PROM1: variants seen among roughly 807,000 people sequenced by gnomAD.
PROM1 encodes the protein prominin-1.
PROM1 carries 105 observed loss-of-function variants against 116.9 expected under a neutral mutation model. The ratio of observed to expected loss-of-function variants is 0.90; its 90% confidence interval spans 0.77 to 1.06. The LOEUF (loss-of-function observed/expected upper bound fraction) is 1.06, where lower values mean the gene tolerates loss of function less well. PROM1 is among the 50% of genes least tolerant of loss of function. The pLI is 0.00. For missense variants in PROM1, 1,122 were observed against 1,045.2 expected, an observed-to-expected ratio of 1.07 and a Z score of -1.01; for synonymous variants, 393 against 387.0, an observed-to-expected ratio of 1.02 and a Z score of -0.18.
chr4:16,037,848 AGGAGTGCATT>A (rs1734287715), intron 3 of PROM1: 2 of 152,396 alleles, frequency 1.3e-5, no homozygotes, highest in African/African-American at 4.8e-5. Flanking sequence ...GCAGTCGCAG[AGGAGTGCATT>A]GGCAGCAACT....
chr4:16,064,650 C>A (rs780837470), intron 2 of PROM1, among the ~76,000 whole-genome samples: 2 of 152,070 alleles, frequency 1.3e-5, no homozygotes, highest in Non-Finnish European at 2.9e-5. Flanking sequence ...ATTAGCACTT[C>A]GGGAGGCCGA....
At chr4:16,038,274 A>G (rs967445963) in intron 3 of PROM1, among the ~76,000 whole-genome samples, 1 of 152,228 alleles carries the variant, frequency 6.6e-6, no homozygotes, top group Non-Finnish European at 1.5e-5. Flanking sequence ...GATGTTTTAT[A>G]ACAGAGTACA....
At position 16,061,343 on chromosome 4, in the gene PROM1, G is replaced by A. The variant is rs139295980; in HGVS notation, c.220+14344C>T. ...AAGGGCTTCTTCTAGAATACTATGT[G>A]ATCTAGCTGTAGAACAGTAGGAAGA... On this transcript the variant is annotated intron_variant, in intron 2 of 27. Coordinates refer to ENST00000447510, the MANE Select transcript of PROM1 (RefSeq NM_006017.3). Among the ~76,000 whole-genome samples, 664 of 152,298 alleles carry A rather than the reference G, an allele frequency of 4.4e-3. 2 individuals carry two copies. The highest frequency in any genetic ancestry group is 0.015 in the African/African-American group (629 of 41,558).
intron 2 of PROM1, among the ~76,000 whole-genome samples, chr4:16,067,748 G>A (rs144550921): frequency 5.8e-4 from 88 of 152,282 alleles, no homozygotes; most frequent in African/African-American, 1.9e-3. Context: ...GCATAGACAC[G>A]TCGATTTGGC....
At position 15,984,282 on chromosome 4, in the gene PROM1, C is replaced by A; in HGVS notation, c.2354G>T (p.Ser785Ile). 2.5e-6 allele frequency: 4 copies of A among 1,605,052 alleles called. No individual in the cohort carries two copies. Among genetic ancestry groups the A allele is most frequent in the Non-Finnish European group, 3.4e-6 (4 of 1,173,840 alleles). Residue 785 changes from serine (S) to isoleucine (I), a missense_variant, in exon 23 of 28, where the codon AGC becomes ATC. Physicochemically the swap from Ser to Ile is moderately radical, Grantham distance 142. Transcript: ENST00000447510. The stretch of plus-strand genomic sequence containing the variant: ...TCTTACCAAGGGGTCGATAATGTAG[C>A]TACACAGAAAGACATCAACAGCAGT... The part of the protein sequence containing the change: ...LDTAVDVFLC[S>I]YIIDPLNLFW...
chr4:16,057,684 G>A (rs1179005716), intron 2 of PROM1, among the ~76,000 whole-genome samples: 2 of 152,006 alleles, frequency 1.3e-5, no homozygotes, highest in Non-Finnish European at 2.9e-5. Flanking sequence ...TTAAATTATC[G>A]ACTCTTCTTA....
rs1251147060 is a variant in PROM1, at chr4:16,006,678, G to A, written c.1314C>T (p.Gly438=). 6.2e-7 allele frequency: 1 copy of A among 1,612,912 alleles called. No homozygotes were observed. The highest frequency in any genetic ancestry group is 8.5e-7 in the Non-Finnish European group (1 of 1,179,542). Residue 438 remains glycine, a synonymous_variant, in exon 13 of 28, where the codon GGC becomes GGT. Coordinates refer to ENST00000447510, the MANE Select transcript of PROM1 (RefSeq NM_006017.3). The part of the protein sequence containing the change: ...EEYDSYWWLG[G]LVICSLLTLI... ...GGGTCAGCAGAGAGCAGATGACCAG[G>A]CCACCCAGCCACCTGGAGAGGCAAG... is the stretch of plus-strand genomic sequence containing the variant.
chr4:16,019,250 T>G (rs1183397966), intron 8 of PROM1, among the ~76,000 whole-genome samples: 2 of 152,200 alleles, frequency 1.3e-5, no homozygotes, highest in Non-Finnish European at 2.9e-5. Context: ...ACAGTTCAAT[T>G]TATGATTTCT....
chr4:15,989,691 G>T lies in PROM1; in HGVS notation c.2076+41C>A, dbSNP rs545789716. 3.2e-5 allele frequency: 47 copies of T among 1,471,852 alleles called. No individual in the cohort carries two copies. The East Asian group carries it at 9.7e-4, about 30-fold the overall frequency. The allele number at this position is 1,471,852 out of a possible 1,614,324, so 91.2% of individuals were successfully genotyped here. ...AAGCCAACTAGCTGCAGTAGATTTT[G>T]CTCAGGTCACAGTGAAATACAATAC... is the stretch of plus-strand genomic sequence containing the variant. On this transcript the variant is annotated intron_variant, in intron 19 of 27. Coordinates refer to ENST00000447510, the MANE Select transcript of PROM1 (RefSeq NM_006017.3).
In PROM1 at chr4:16,025,494, G is replaced by A. The variant is rs549618716; in HGVS notation, c.510-182C>T. ...ATCCCACAGTCAAACCACCACCCACGTAGGGGCTACAAAACAGGACTCAGT... is the reference window on the plus strand; with the variant it reads ...ATCCCACAGTCAAACCACCACCCACATAGGGGCTACAAAACAGGACTCAGT... On this transcript the variant is annotated intron_variant, in intron 5 of 27. Coordinates refer to ENST00000447510, the MANE Select transcript of PROM1 (RefSeq NM_006017.3). Among the ~76,000 whole-genome samples, 103 of 152,252 alleles carry A rather than the reference G, an allele frequency of 6.8e-4. No individual in the cohort carries two copies. In the South Asian group the frequency reaches 0.01, roughly 15 times the overall value.
At chr4:15,979,991 A>C in intron 24 of PROM1, 87 bp from the exon 25 acceptor site, 1 of 811,928 alleles carries the variant, frequency 1.2e-6, no homozygotes, top group Non-Finnish European at 1.9e-6. Context: ...ATTTACTCTA[A>C]CACGGATACT....
At chr4:16,042,094 G>A (rs564290145) in intron 2 of PROM1, among the ~76,000 whole-genome samples, 2 of 152,098 alleles carry the variant, frequency 1.3e-5, no homozygotes, top group African/African-American at 2.4e-5. Context: ...GGTTACAGGC[G>A]TGAGCCACCG....
At chr4:16,022,523 G>A (rs1730164051) in intron 8 of PROM1, among the ~76,000 whole-genome samples, 1 of 152,146 alleles carries the variant, frequency 6.6e-6, no homozygotes, top group Non-Finnish European at 1.5e-5. Context: ...GAACTATAAG[G>A]CATGCCAAAA....
At chr4:15,988,695 G>C (rs1025922231) in intron 19 of PROM1, among the ~76,000 whole-genome samples, 2 of 151,956 alleles carry the variant, frequency 1.3e-5, no homozygotes, top group Admixed American at 1.3e-4. Context: ...GTGTACTTGG[G>C]AAAAAAGCAT....
intron 8 of PROM1, among the ~76,000 whole-genome samples, chr4:16,022,156 G>A (rs1361515867): frequency 2.0e-5 from 3 of 150,992 alleles, no homozygotes. Context: ...AGGGAGGGAG[G>A]GAGGGAGGAA....
intron 19 of PROM1, among the ~76,000 whole-genome samples, chr4:15,989,206 C>A (rs1304817357): frequency 6.6e-6 from 1 of 152,130 alleles, no homozygotes; most frequent in Non-Finnish European, 1.5e-5. Flanking sequence ...CTGTCTAACT[C>A]CAAAGCCCAC....
At chr4:16,066,805 G>T (rs1416411213) in intron 2 of PROM1, among the ~76,000 whole-genome samples, 21 of 152,194 alleles carry the variant, frequency 1.4e-4, no homozygotes, top group Admixed American at 1.4e-3. Context: ...TTTCCTGCAT[G>T]TATTGAAGGC....
intron 2 of PROM1, among the ~76,000 whole-genome samples, chr4:16,049,396 T>C (rs1160886039): frequency 2.0e-5 from 3 of 152,194 alleles, no homozygotes; most frequent in Middle Eastern, 3.2e-3. Flanking sequence ...TTAGAAGCAG[T>C]TGTGAAGGGG....
At chr4:15,969,678 C>G (rs1370964604) in intron 27 of PROM1, among the ~76,000 whole-genome samples, 1 of 152,122 alleles carries the variant, frequency 6.6e-6, no homozygotes, top group East Asian at 1.9e-4. Context: ...CCTCCGTCTC[C>G]CGGGTTTAAG....
Sources: gnomAD v4.1 joint callset for allele counts (sites outside exome capture counted in the v4.1 genomes callset) on GRCh38, gnomAD v4.1.1 for gene constraint, MANE v1.5 for transcripts, NCBI Gene and HGNC (gene_info 2026-07-23, HGNC 2026-07-21) for gene names.